The following SPIDR variants were observed in gnomAD, a reference collection of about 807,000 sequenced individuals.
The protein encoded by SPIDR is DNA repair-scaffolding protein.
In SPIDR, 93 loss-of-function variants were observed where a neutral mutation model predicts 104.6. The observed-to-expected ratio is 0.89, with a 90% CI of 0.75 to 1.06. The LOEUF (loss-of-function observed/expected upper bound fraction) is 1.06, where lower values mean the gene tolerates loss of function less well. Ranked by LOEUF, SPIDR falls within the 50% of genes least tolerant of loss-of-function variation. SPIDR has a pLI of 0.00. For synonymous variants in SPIDR, 431 were observed against 416.9 expected (o/e 1.03, Z -0.41); for missense variants, 1,154 against 1,111.2 (o/e 1.04, Z -0.55).
Position 47,401,090 on chromosome 8 carries a change from G to T in SPIDR, c.776+4464G>T, listed in dbSNP as rs536402121. On this transcript the variant is annotated intron_variant, in intron 6 of 19. Transcript: ENST00000297423. The stretch of plus-strand genomic sequence containing the variant: ...AATGTTAAGGGCAGCCAGAGAGAAA[G>T]GTCGGGTTACTCACAAAGAGAAGCC... Among the ~76,000 whole-genome samples the T allele has an allele frequency of 3.4e-4, 51 of 152,206 alleles. 1 individual carries two copies. The highest frequency in any genetic ancestry group is 3.3e-3 in the Admixed American group (51 of 15,294).
chr8:47,480,109 GA>G (rs1449099339), intron 8 of SPIDR, among the ~76,000 whole-genome samples: 1 of 152,134 alleles, frequency 6.6e-6, no homozygotes, highest in African/African-American at 2.4e-5. Context: ...ACCTAATGAA[GA>G]AAAATGTATC....
At chr8:47,638,472 A>G (rs945249395) in intron 10 of SPIDR, among the ~76,000 whole-genome samples, 3 of 152,086 alleles carry the variant, frequency 2.0e-5, no homozygotes, top group Non-Finnish European at 4.4e-5. Flanking sequence ...TAGAGTTGAT[A>G]CTAGCATTGG....
intron 8 of SPIDR, among the ~76,000 whole-genome samples, chr8:47,472,312 T>C (rs2075816628): frequency 6.6e-6 from 1 of 152,178 alleles, no homozygotes; most frequent in African/African-American, 2.4e-5. Context: ...GGTCTGATCA[T>C]GTAACTCAAG....
intron 10 of SPIDR, among the ~76,000 whole-genome samples, chr8:47,628,071 G>C (rs932852584): frequency 2.0e-5 from 3 of 152,096 alleles, no homozygotes; most frequent in African/African-American, 7.2e-5. Flanking sequence ...TAAAATGCAG[G>C]AACTCCCTAG....
intron 5 of SPIDR, among the ~76,000 whole-genome samples, chr8:47,378,979 C>T (rs189355959): frequency 6.6e-6 from 1 of 152,280 alleles, no homozygotes; most frequent in African/African-American, 2.4e-5. Flanking sequence ...TATAGTCCTC[C>T]TAGTGTCCAC....
chr8:47,294,390 C>G lies in SPIDR; in HGVS notation c.525+360C>G, dbSNP rs868958709. Reference sequence around the variant, plus strand: ...AAATCAGCTGTCTTCCACGAGTCCTCTCCCAGTGGAGTCACACAGTATATG... The same window carrying G: ...AAATCAGCTGTCTTCCACGAGTCCTGTCCCAGTGGAGTCACACAGTATATG... On this transcript the variant is annotated intron_variant, in intron 5 of 19. Coordinates refer to ENST00000297423, the MANE Select transcript of SPIDR (RefSeq NM_001080394.4). 1,479 of 202,276 alleles carry G rather than the reference C, an allele frequency of 7.3e-3. 24 individuals are homozygous for G. Among genetic ancestry groups the G allele is most frequent in the African/African-American group, 0.033 (1,392 of 42,674 alleles). The allele number at this position is 202,276 out of a possible 1,614,324, so 12.5% of individuals were successfully genotyped here.
intron 8 of SPIDR, among the ~76,000 whole-genome samples, chr8:47,515,904 G>A (rs376300304): frequency 6.6e-6 from 1 of 152,202 alleles, no homozygotes; most frequent in African/African-American, 2.4e-5. Flanking sequence ...TCCACTCCCG[G>A]GTTCAAGCGA....
chr8:47,401,429 G>A (rs147909938), intron 6 of SPIDR, among the ~76,000 whole-genome samples: 2,666 of 152,142 alleles, frequency 0.018, 84 homozygotes, highest in African/African-American at 0.06. Context: ...ATCAACTAAC[G>A]AGCAAAATAA....
At chr8:47,500,662 C>T (rs2080254461) in intron 8 of SPIDR, among the ~76,000 whole-genome samples, 1 of 152,162 alleles carries the variant, frequency 6.6e-6, no homozygotes, top group Non-Finnish European at 1.5e-5. Flanking sequence ...TCCCATTTGT[C>T]AGTTTTGGCT....
chr8:47,437,947 A>G (rs2068675089), intron 7 of SPIDR, among the ~76,000 whole-genome samples: 1 of 152,234 alleles, frequency 6.6e-6, no homozygotes, highest in South Asian at 2.1e-4. Flanking sequence ...AAGAAACTGT[A>G]GTCAGGCAGT....
intron 10 of SPIDR, among the ~76,000 whole-genome samples, chr8:47,606,138 A>G (rs1440904782): frequency 6.6e-6 from 1 of 152,140 alleles, no homozygotes; most frequent in Non-Finnish European, 1.5e-5. Flanking sequence ...GAATAAACAT[A>G]TTGCAGAAAA....
At chr8:47,283,064 C>G (rs1442165243) in intron 2 of SPIDR, among the ~76,000 whole-genome samples, 1 of 152,146 alleles carries the variant, frequency 6.6e-6, no homozygotes, top group Non-Finnish European at 1.5e-5. Flanking sequence ...CCATGTGGGT[C>G]AGGCTGGTCT....
At chr8:47,722,588 T>G (rs2083555932) in intron 16 of SPIDR, among the ~76,000 whole-genome samples, 1 of 152,244 alleles carries the variant, frequency 6.6e-6, no homozygotes, top group Non-Finnish European at 1.5e-5. Flanking sequence ...TTCTTTTCCA[T>G]CTACCTACCT....
chr8:47,272,769 T>C (rs377432424), intron 1 of SPIDR, among the ~76,000 whole-genome samples: 7 of 152,002 alleles, frequency 4.6e-5, no homozygotes, highest in Non-Finnish European at 1.0e-4. Flanking sequence ...TGCGGACACA[T>C]TGAAAGGTGA....
chr8:47,399,333 GA>G (rs2061584548), intron 6 of SPIDR, among the ~76,000 whole-genome samples: 3 of 152,224 alleles, frequency 2.0e-5, no homozygotes, highest in Non-Finnish European at 2.9e-5. Flanking sequence ...CAGGTGCCAG[GA>G]TGGACCTGGT....
chr8:47,525,957 A>G (rs2084919932), intron 8 of SPIDR, among the ~76,000 whole-genome samples: 1 of 152,164 alleles, frequency 6.6e-6, no homozygotes, highest in Non-Finnish European at 1.5e-5. Context: ...CAATCTGCTC[A>G]GTGTAGTTCC....
At chr8:47,540,716 C>T (rs2087937775) in intron 8 of SPIDR, among the ~76,000 whole-genome samples, 1 of 152,082 alleles carries the variant, frequency 6.6e-6, no homozygotes, top group African/African-American at 2.4e-5. Context: ...CCCCCATTGC[C>T]CCTAGATAGG....
chr8:47,627,729 C>G (rs1483242652), intron 10 of SPIDR, among the ~76,000 whole-genome samples: 2 of 152,106 alleles, frequency 1.3e-5, no homozygotes, highest in Non-Finnish European at 2.9e-5. Flanking sequence ...CAGCGAGTCC[C>G]CTGCACACTC....
chr8:47,429,765 C>CT (rs201858332), intron 7 of SPIDR, among the ~76,000 whole-genome samples: 246 of 139,758 alleles, frequency 1.8e-3, no homozygotes, highest in Middle Eastern at 7.1e-3. Flanking sequence ...GTTATTTCCA[C>CT]TTTTTTTTTT....
Sources: allele counts gnomAD v4.1 joint callset (sites outside exome capture counted in the v4.1 genomes callset), GRCh38; gene constraint gnomAD v4.1.1; transcripts MANE v1.5; gene names NCBI Gene and HGNC (gene_info 2026-07-23, HGNC 2026-07-21).